MAP3K5: variants seen among roughly 807,000 people sequenced by gnomAD.
MAP3K5 encodes ASK-1.
MAP3K5 carries 56 observed loss-of-function variants against 158.7 expected under a neutral mutation model. That is an observed-to-expected ratio of 0.35 (90% CI 0.28 to 0.44). MAP3K5 has a LOEUF of 0.44. MAP3K5 is among the 20% of genes least tolerant of loss of function. The pLI is 1.00. For missense variants in MAP3K5, 1,294 were observed against 1,674.8 expected, an observed-to-expected ratio of 0.77 and a Z score of 3.97; for synonymous variants, 579 against 601.7, an observed-to-expected ratio of 0.96 and a Z score of 0.55.
intron 7 of MAP3K5, among the ~76,000 whole-genome samples, chr6:136,673,672 A>T (rs1779576148): frequency 6.6e-6 from 1 of 151,584 alleles, no homozygotes; most frequent in African/African-American, 2.4e-5. Context: ...ACTAAAATGC[A>T]TGTCAATAGA....
chr6:136,743,472 A>C (rs373032513), intron 1 of MAP3K5, among the ~76,000 whole-genome samples: 153 of 152,244 alleles, frequency 1.0e-3, no homozygotes, highest in Middle Eastern at 3.4e-3. Context: ...AAAACAAAAA[A>C]AAAATTGAGA....
chr6:136,613,346 G>T lies in MAP3K5; in HGVS notation c.2279-90C>A. 8.3e-7 allele frequency: 1 copy of T among 1,201,914 alleles called. No homozygotes were observed. The highest frequency in any genetic ancestry group is 1.1e-6 in the Non-Finnish European group (1 of 874,504). 74.5% of individuals were successfully genotyped at this position (1,201,914 alleles called of 1,614,324 possible). The stretch of plus-strand genomic sequence containing the variant: ...AATGTAACAGTAATTTAAGCTAACA[G>T]TCATTGGTTCTTCACAGTGGCCCAG... On this transcript the variant is annotated intron_variant, in intron 16 of 29. Coordinates refer to ENST00000359015, the MANE Select transcript of MAP3K5 (RefSeq NM_005923.4). The surrounding 1 kb of genome is among the most constrained non-coding windows in gnomAD (Gnocchi z 4.0).
intron 1 of MAP3K5, among the ~76,000 whole-genome samples, chr6:136,740,507 C>T (rs1782665681): frequency 6.6e-6 from 1 of 152,108 alleles, no homozygotes; most frequent in Admixed American, 6.5e-5. Context: ...GACTAAAAGT[C>T]CCAAATACTC....
At chr6:136,731,906 C>A (rs1158769137) in intron 1 of MAP3K5, among the ~76,000 whole-genome samples, 2 of 152,070 alleles carry the variant, frequency 1.3e-5, no homozygotes, top group Non-Finnish European at 2.9e-5. Flanking sequence ...ACAGAAAGAT[C>A]TAAAAGCTTT....
intron 7 of MAP3K5, among the ~76,000 whole-genome samples, chr6:136,688,836 T>C (rs1780265362): frequency 6.6e-6 from 1 of 152,214 alleles, no homozygotes; most frequent in African/African-American, 2.4e-5. Flanking sequence ...CCTTTTTGGA[T>C]TACCTATGCA....
rs953059438 is a variant in MAP3K5 at position 136,613,057 on chromosome 6, T to C, written c.2415+63A>G. ...AATACTCATAACACAATATGACTTT[T>C]GCAAGTAAAATAATAACCCAGCAAA... On this transcript the variant is annotated intron_variant, in intron 17 of 29. Coordinates refer to ENST00000359015, the MANE Select transcript of MAP3K5 (RefSeq NM_005923.4). The surrounding 1 kb of genome is among the most constrained non-coding windows in gnomAD (Gnocchi z 4.0). 1 of 1,474,010 alleles carries C rather than the reference T, an allele frequency of 6.8e-7. No individual in the cohort carries two copies. The highest frequency in any genetic ancestry group is 9.1e-7 in the Non-Finnish European group (1 of 1,094,200). 91.3% of individuals were successfully genotyped at this position (1,474,010 alleles called of 1,614,324 possible).
intron 1 of MAP3K5, among the ~76,000 whole-genome samples, chr6:136,780,463 T>C (rs1424280781): frequency 6.6e-6 from 1 of 152,224 alleles, no homozygotes; most frequent in Non-Finnish European, 1.5e-5. Context: ...AGTTTTAATA[T>C]CTTTCTGGTT....
intron 2 of MAP3K5, among the ~76,000 whole-genome samples, chr6:136,705,485 T>C (rs1394639605): frequency 6.6e-6 from 1 of 152,132 alleles, no homozygotes; most frequent in East Asian, 1.9e-4. Flanking sequence ...GTAATTGTTT[T>C]TGTAGAGACA....
At chr6:136,604,688 T>C (rs1051981423) in intron 19 of MAP3K5, among the ~76,000 whole-genome samples, 2 of 151,932 alleles carry the variant, frequency 1.3e-5, no homozygotes, top group Non-Finnish European at 1.5e-5. Context: ...CCCATAGGAG[T>C]TACTGATGGG....
chr6:136,740,725 T>C (rs1237987428), intron 1 of MAP3K5, among the ~76,000 whole-genome samples: 1 of 152,262 alleles, frequency 6.6e-6, no homozygotes, highest in African/African-American at 2.4e-5. Flanking sequence ...AGTGAGTTTT[T>C]ATGTTAGCTT....
chr6:136,792,180 G>A lies in MAP3K5; in HGVS notation c.-23C>T. On this transcript the variant is annotated 5_prime_UTR_variant, in exon 1 of 30. Transcript: ENST00000359015. This position sits in a 1 kb window ranked among gnomAD's most constrained non-coding sequence, Gnocchi z 5.7. ...CATCTCTCCGGGCCGGGCAGCAACGGCGGCGGCGTCCCCCGCCCAGCCGCA... is the reference window on the plus strand; with the variant it reads ...CATCTCTCCGGGCCGGGCAGCAACGACGGCGGCGTCCCCCGCCCAGCCGCA... The A allele has an allele frequency of 6.5e-7, 1 of 1,530,766 alleles. No homozygotes were observed. The highest frequency in any genetic ancestry group is 8.8e-7 in the Non-Finnish European group (1 of 1,142,542). The allele number at this position is 1,530,766 out of a possible 1,614,324, so 94.8% of individuals were successfully genotyped here. A position where few individuals can be genotyped will look rare whatever the true frequency, so the allele number is the denominator to read the frequency against.
chr6:136,705,219 G>T (rs1391333844), intron 2 of MAP3K5, 86 bp from the exon 3 acceptor site: 11 of 640,094 alleles, frequency 1.7e-5, no homozygotes, highest in Non-Finnish European at 2.9e-5. Flanking sequence ...GGGAAAATTT[G>T]TATTAACAAT....
intron 23 of MAP3K5, among the ~76,000 whole-genome samples, chr6:136,585,489 A>C (rs59325772): frequency 0.12 from 15,528 of 126,712 alleles, 1,275 homozygotes; most frequent in East Asian, 0.34. Flanking sequence ...TTATTTATTT[A>C]TTTATTTATT....
At chr6:136,717,960 G>A (rs1028497714) in intron 2 of MAP3K5, among the ~76,000 whole-genome samples, 2 of 152,162 alleles carry the variant, frequency 1.3e-5, no homozygotes, top group African/African-American at 4.8e-5. Context: ...ATAGCTGATA[G>A]GCTTTTCTAA....
chr6:136,566,839 G>T (rs1269299306), intron 26 of MAP3K5, among the ~76,000 whole-genome samples: 1 of 152,128 alleles, frequency 6.6e-6, no homozygotes, highest in Non-Finnish European at 1.5e-5. Context: ...CTGGAAATAA[G>T]ATATTTTTAA....
chr6:136,788,388 C>T (rs1562708296), intron 1 of MAP3K5, among the ~76,000 whole-genome samples: 1 of 152,028 alleles, frequency 6.6e-6, no homozygotes, highest in African/African-American at 2.4e-5. Context: ...TGACTAAGTC[C>T]TCAAAAGCAA....
chr6:136,708,606 CCA>C (rs759859411), intron 2 of MAP3K5, among the ~76,000 whole-genome samples: 4 of 151,972 alleles, frequency 2.6e-5, no homozygotes, highest in Non-Finnish European at 5.9e-5. Flanking sequence ...CTGAAAAAGT[CCA>C]GAGACATCAT....
intron 14 of MAP3K5, among the ~76,000 whole-genome samples, chr6:136,630,514 G>A (rs1458733100): frequency 6.6e-6 from 1 of 152,162 alleles, no homozygotes; most frequent in Non-Finnish European, 1.5e-5. Flanking sequence ...AAAAACAGCA[G>A]CAGCAGAAAA....
chr6:136,723,893 G>C (rs1399589938), intron 1 of MAP3K5, among the ~76,000 whole-genome samples: 1 of 151,988 alleles, frequency 6.6e-6, no homozygotes, highest in Non-Finnish European at 1.5e-5. Flanking sequence ...GTTTTCTTTT[G>C]GGGTCCTCAA....
Sources: allele counts gnomAD v4.1 joint callset (sites outside exome capture counted in the v4.1 genomes callset), GRCh38; gene constraint gnomAD v4.1.1; non-coding constraint Gnocchi (gnomAD v3.1); transcripts MANE v1.5; gene names NCBI Gene and HGNC (gene_info 2026-07-23, HGNC 2026-07-21).